The following SORCS2 variants were observed in gnomAD, a reference collection of about 807,000 sequenced individuals.
The protein encoded by SORCS2 is VPS10 domain-containing receptor SorCS2.
SORCS2 carries 100 observed loss-of-function variants against 141.6 expected under a neutral mutation model. The observed-to-expected ratio is 0.71, with a 90% confidence interval of 0.60 to 0.83. The LOEUF (loss-of-function observed/expected upper bound fraction) is 0.83. Among genes scored for constraint, SORCS2 ranks in the 40% least tolerant of loss-of-function variants. The pLI is 0.00. For missense variants in SORCS2, 1,646 were observed against 1,560.2 expected (o/e 1.05, Z -0.93); for synonymous variants, 789 against 676.9 (o/e 1.17, Z -2.57).
rs1711522131 is a variant in SORCS2 at position 7,729,683 on chromosome 4, A to C, written c.3079A>C (p.Thr1027Pro). Residue 1027 changes from threonine to proline, a missense_variant, in exon 23 of 27, where the codon ACA (threonine) becomes CCA (proline). Coordinates refer to ENST00000507866, the MANE Select transcript of SORCS2 (RefSeq NM_020777.3). Reference sequence around the variant, plus strand: ...CGTGCTCCTGCCCCCTCCCAGGCCCACAAGGAAGAGGAGCCTCTCGAGTGA... The same window carrying C: ...CGTGCTCCTGCCCCCTCCCAGGCCCCCAAGGAAGAGGAGCCTCTCGAGTGA... ...LYVLLPPPRP[T>P]RKRSLSSDKR... 6.2e-7 allele frequency: 1 copy of C among 1,610,058 alleles called. No individual in the cohort carries two copies. The highest frequency in any genetic ancestry group is 1.1e-5 in the South Asian group (1 of 89,866).
chr4:7,599,471 G>T (rs1405559923), intron 3 of SORCS2, among the ~76,000 whole-genome samples: 1 of 152,216 alleles, frequency 6.6e-6, no homozygotes, highest in African/African-American at 2.4e-5. Flanking sequence ...GCAGAGACGG[G>T]TGGCCGCTGG....
intron 4 of SORCS2, among the ~76,000 whole-genome samples, chr4:7,645,096 A>G (rs895804108): frequency 1.6e-4 from 25 of 152,198 alleles, no homozygotes; most frequent in African/African-American, 5.5e-4. Context: ...ATTAATGTGG[A>G]GGCTTTATTA....
At chr4:7,404,551 G>T (rs75015844) in intron 2 of SORCS2, among the ~76,000 whole-genome samples, 3,866 of 152,152 alleles carry the variant, frequency 0.025, 160 homozygotes, top group African/African-American at 0.089. Flanking sequence ...CTTCTGACTG[G>T]TGTAAGATGA....
intron 2 of SORCS2, among the ~76,000 whole-genome samples, chr4:7,500,375 T>TG (rs1169087561): frequency 6.6e-6 from 1 of 152,162 alleles, no homozygotes; most frequent in African/African-American, 2.4e-5. Context: ...ACCCTCTGCC[T>TG]GCATTGAGGA....
chr4:7,649,302 G>A (rs75554231), intron 4 of SORCS2, among the ~76,000 whole-genome samples: 12 of 151,686 alleles, frequency 7.9e-5, no homozygotes, highest in African/African-American at 2.2e-4. Flanking sequence ...TGCCTGGGGT[G>A]GGGGCATGCA....
intron 1 of SORCS2, among the ~76,000 whole-genome samples, chr4:7,327,154 C>A (rs530935260): frequency 2.2e-4 from 33 of 152,224 alleles, no homozygotes; most frequent in African/African-American, 8.0e-4. Context: ...AACGTTCCAC[C>A]GAGCTGGGGG....
intron 2 of SORCS2, among the ~76,000 whole-genome samples, chr4:7,429,075 G>T (rs865889563): frequency 2.6e-5 from 4 of 152,174 alleles, no homozygotes; most frequent in African/African-American, 9.7e-5. Context: ...AGAATGTAAG[G>T]GTTTGTCCAG....
In SORCS2 at chr4:7,265,116, C is replaced by T. The variant is rs555431244; in HGVS notation, c.480+71990C>T. Among the ~76,000 whole-genome samples, 7 of 152,338 alleles carry T rather than the reference C, an allele frequency of 4.6e-5. No individual in the cohort carries two copies. In the East Asian group the frequency reaches 1.4e-3, roughly 29 times the overall value. On this transcript the variant is annotated intron_variant, in intron 1 of 26. Transcript: ENST00000507866. ...TCGGGGGTGTGTTAATGTCCCGTGG[C>T]TGCCGTAACTAAGGACCACAGACTG...
intron 19 of SORCS2, among the ~76,000 whole-genome samples, chr4:7,724,379 T>C (rs1726892056): frequency 7.0e-6 from 1 of 142,038 alleles, no homozygotes; most frequent in East Asian, 2.1e-4. Flanking sequence ...ATGATGGTGG[T>C]GATAGGGTGT....
At chr4:7,570,624 G>T (rs1026446474) in intron 3 of SORCS2, among the ~76,000 whole-genome samples, 1 of 152,244 alleles carries the variant, frequency 6.6e-6, no homozygotes, top group African/African-American at 2.4e-5. Flanking sequence ...GGGGCCCAGG[G>T]TTGAAGTGAG....
chr4:7,560,119 A>G (rs574989842), intron 3 of SORCS2, among the ~76,000 whole-genome samples: 2 of 152,364 alleles, frequency 1.3e-5, no homozygotes, highest in East Asian at 1.9e-4. Context: ...GGAGCACAGG[A>G]AAAATGCCGG....
chr4:7,448,732 T>TTA (rs1728180243), intron 2 of SORCS2, among the ~76,000 whole-genome samples: 1 of 99,092 alleles, frequency 1.0e-5, no homozygotes, highest in Non-Finnish European at 2.1e-5. Context: ...CTCCCTCCCT[T>TTA]CCGTACTTCC....
intron 2 of SORCS2, among the ~76,000 whole-genome samples, chr4:7,478,072 C>T (rs371920354): frequency 6.6e-6 from 1 of 152,318 alleles, no homozygotes; most frequent in South Asian, 2.1e-4. Context: ...GAAAGTTAGA[C>T]ACAGGGTGTG....
chr4:7,660,701 A>C (rs1398810440), intron 5 of SORCS2, among the ~76,000 whole-genome samples: 1 of 152,298 alleles, frequency 6.6e-6, no homozygotes, highest in African/African-American at 2.4e-5. Flanking sequence ...TTCTGTCCCT[A>C]GTGGGGTCAC....
At chr4:7,218,062 GGCC>G (rs1728471243) in intron 1 of SORCS2, among the ~76,000 whole-genome samples, 1 of 152,092 alleles carries the variant, frequency 6.6e-6, no homozygotes, top group South Asian at 2.1e-4. Flanking sequence ...GTGCGTGAAT[GGCC>G]AGGGTGGGCA....
intron 1 of SORCS2, among the ~76,000 whole-genome samples, chr4:7,272,368 G>T (rs1715202580): frequency 6.6e-6 from 1 of 152,204 alleles, no homozygotes; most frequent in African/African-American, 2.4e-5. Context: ...CTGAAGAATG[G>T]CGTTGATTAT....
chr4:7,617,159 C>A (rs191757982), intron 3 of SORCS2, among the ~76,000 whole-genome samples: 81 of 152,312 alleles, frequency 5.3e-4, no homozygotes, highest in African/African-American at 1.9e-3. Context: ...CGCCATCCAC[C>A]ATCCATCTAT....
chr4:7,209,475 C>T (rs145254218), intron 1 of SORCS2, among the ~76,000 whole-genome samples: 100 of 152,284 alleles, frequency 6.6e-4, no homozygotes, highest in Middle Eastern at 3.4e-3. Context: ...CTACCAGCAT[C>T]CCCTTCCGGA....
chr4:7,365,654 C>T (rs1006151851), intron 1 of SORCS2, among the ~76,000 whole-genome samples: 1 of 152,204 alleles, frequency 6.6e-6, no homozygotes, highest in Non-Finnish European at 1.5e-5. Flanking sequence ...CCAACAGCTG[C>T]TGACACTCAG....
Sources: allele counts gnomAD v4.1 joint callset (sites outside exome capture counted in the v4.1 genomes callset), GRCh38; gene constraint gnomAD v4.1.1; transcripts MANE v1.5; gene names NCBI Gene and HGNC (gene_info 2026-07-23, HGNC 2026-07-21).